HSH2D: variants seen among roughly 807,000 people sequenced by gnomAD.
The protein encoded by HSH2D is hematopoietic SH2 domain-containing protein.
A neutral mutation model predicts 21.5 loss-of-function variants in HSH2D; 16 were observed. The observed-to-expected ratio is 0.74, with a 90% CI of 0.50 to 1.13. The LOEUF is 1.13. Among genes scored for constraint, HSH2D ranks in the 50% most tolerant of loss-of-function variants. The probability of loss-of-function intolerance (pLI) is 0.00; values close to 1 mark genes in which losing one functional copy is unlikely to be tolerated. For missense variants in HSH2D, 418 were observed against 441.4 expected, an observed-to-expected ratio of 0.95 and a Z score of 0.47; for synonymous variants, 172 against 184.7, an observed-to-expected ratio of 0.93 and a Z score of 0.56.
chr19:16,152,431 A>T, intron 2 of HSH2D, 121 bp from the exon 3 acceptor site: 1 of 529,194 alleles, frequency 1.9e-6, no homozygotes, highest in Non-Finnish European at 3.1e-6. Context: ...AAAAAAAAAA[A>T]GGAAAAAAGA....
At chr19:16,142,060 T>G (rs2091003975), upstream of HSH2D, 2 of 152,234 alleles carry the variant, frequency 1.3e-5, no homozygotes, top group Admixed American at 6.5e-5. Context: ...CACTCCAGCC[T>G]GAGTGACAGA....
intron 5 of HSH2D, among the ~76,000 whole-genome samples, chr19:16,155,261 T>C (rs1226430981): frequency 6.7e-6 from 1 of 148,978 alleles, no homozygotes; most frequent in African/African-American, 2.5e-5. Context: ...TGGACATCAG[T>C]GGAGGTGGGG....
At chr19:16,134,909 G>T (rs1217838788) in intron 1 of HSH2D, among the ~76,000 whole-genome samples, 2 of 151,362 alleles carry the variant, frequency 1.3e-5, no homozygotes, top group Non-Finnish European at 2.9e-5. Flanking sequence ...ATAGCTTGAG[G>T]CCAGTTCAAG....
intron 1 of HSH2D, among the ~76,000 whole-genome samples, chr19:16,147,609 A>C (rs958850750): frequency 1.3e-5 from 2 of 152,088 alleles, no homozygotes; most frequent in African/African-American, 4.8e-5. Context: ...GTAGGTGCCC[A>C]AAAAATCACA....
At chr19:16,152,862 G>A in intron 3 of HSH2D, 181 bp from the exon 4 acceptor site, 1 of 802,656 alleles carries the variant, frequency 1.2e-6, no homozygotes, top group Non-Finnish European at 2.1e-6. Context: ...ATAAATGGGG[G>A]AAACTGAGGC....
intron 1 of HSH2D, among the ~76,000 whole-genome samples, chr19:16,135,241 T>C (rs930609479): frequency 4.0e-5 from 6 of 151,898 alleles, no homozygotes; most frequent in Non-Finnish European, 7.4e-5. Context: ...CACTGCACTC[T>C]AGCCTGGGTG....
intron 1 of HSH2D, among the ~76,000 whole-genome samples, chr19:16,147,856 G>T (rs563277366): frequency 6.6e-6 from 1 of 152,268 alleles, no homozygotes; most frequent in East Asian, 1.9e-4. Flanking sequence ...CGTGGCCCAG[G>T]CTGGTCTTGA....
intron 1 of HSH2D, among the ~76,000 whole-genome samples, chr19:16,134,406 C>T (rs768631800): frequency 2.6e-5 from 4 of 152,158 alleles, no homozygotes; most frequent in Non-Finnish European, 5.9e-5. Context: ...GTATGAGCCA[C>T]GCATGTAGGG....
rs772734223 is a variant in HSH2D at position 16,157,704 on chromosome 19, G to C, written c.969G>C (p.Lys323Asn). ...VVRALSSQES[K>N]PEHQGLAEPE... ...GAGCCCTATCCTCCCAGGAGTCCAAGCCAGAGCACCAGGGCTTGGCAGAGC... is the reference window on the plus strand; with the variant it reads ...GAGCCCTATCCTCCCAGGAGTCCAACCCAGAGCACCAGGGCTTGGCAGAGC... The change falls in exon 6 of 6, where the codon AAG (lysine) becomes AAC (asparagine). Residue 323 changes from lysine to asparagine, a missense_variant. Physicochemically the swap from Lys to Asn is moderately conservative, Grantham distance 94. Transcript: ENST00000613986. The surrounding 1 kb of genome is among the most constrained non-coding windows in gnomAD (Gnocchi z 4.4). The C allele has an allele frequency of 1.9e-6, 3 of 1,613,430 alleles. No homozygotes were observed. Among genetic ancestry groups the C allele is most frequent in the Non-Finnish European group, 2.5e-6 (3 of 1,179,714 alleles).
chr19:16,136,583 G>A (rs1033460611), intron 1 of HSH2D, among the ~76,000 whole-genome samples: 27 of 152,190 alleles, frequency 1.8e-4, no homozygotes, highest in African/African-American at 5.8e-4. Context: ...TGCAGACATA[G>A]ATAAGCGAGC....
In HSH2D at chr19:16,153,128, T is replaced by G. The variant is rs184059390; in HGVS notation, c.301T>G (p.Ser101Ala). The change falls in exon 4 of 6, where the codon TCG becomes GCG. Residue 101 changes from serine to alanine, a missense_variant. Ser to Ala is a moderately conservative substitution (Grantham distance 99, BLOSUM62 1). Coordinates refer to ENST00000613986, the MANE Select transcript of HSH2D (RefSeq NM_001382417.1). ...MIPGEKVAHT[S>A]LDALVTFHQQ... ...CCCCGGGGAGAAGGTGGCCCACACC[T>G]CGCTGGACGCCCTGGTCACCTTCCA... 318 of 1,598,368 alleles carry G rather than the reference T, an allele frequency of 2.0e-4. No individual in the cohort carries two copies. Among genetic ancestry groups the G allele is most frequent in the Admixed American group, 7.7e-4 (44 of 57,282 alleles).
intron 1 of HSH2D, among the ~76,000 whole-genome samples, chr19:16,148,110 C>T (rs1283609164): frequency 6.6e-6 from 1 of 152,118 alleles, no homozygotes; most frequent in East Asian, 1.9e-4. Flanking sequence ...AGGCATGCAC[C>T]ACCACACCCA....
intron 1 of HSH2D, among the ~76,000 whole-genome samples, chr19:16,135,038 G>A (rs1036294936): frequency 2.0e-5 from 3 of 149,752 alleles, no homozygotes; most frequent in Non-Finnish European, 3.0e-5. Flanking sequence ...GGAGGCCGAG[G>A]TGGGTGGTTC....
upstream of HSH2D, among the ~76,000 whole-genome samples, chr19:16,142,623 C>T (rs111947973): frequency 6.6e-5 from 10 of 152,042 alleles, no homozygotes; most frequent in African/African-American, 2.2e-4. Flanking sequence ...GTCACCACGC[C>T]GGGCTAATTT....
Position 16,153,203 on chromosome 19 carries a change from A to C in HSH2D, c.376A>C (p.Arg126=). The C allele has an allele frequency of 6.5e-7, 1 of 1,536,206 alleles. No individual in the cohort carries two copies. The highest frequency in any genetic ancestry group is 8.8e-7 in the Non-Finnish European group (1 of 1,142,374). Residue 126 remains arginine, a synonymous_variant, in exon 4 of 6, where the codon AGG becomes CGG. Coordinates refer to ENST00000613986, the MANE Select transcript of HSH2D (RefSeq NM_001382417.1). ...PRRELLTQPC[R]QKDPANVDYE... ...CAGGGAGCTGCTGACACAGCCCTGC[A>C]GGCAGGTGAGGGCGGGGACCCACAA...
chr19:16,145,253 C>T (rs948603666), intron 1 of HSH2D, among the ~76,000 whole-genome samples: 2 of 151,942 alleles, frequency 1.3e-5, no homozygotes, highest in African/African-American at 2.4e-5. Context: ...TGCTCTGTTG[C>T]CCAGGCTGGA....
chr19:16,154,203 A>G (rs1011561244), intron 4 of HSH2D, among the ~76,000 whole-genome samples, 196 bp from the exon 5 acceptor site: 1 of 152,144 alleles, frequency 6.6e-6, no homozygotes, highest in African/African-American at 2.4e-5. Flanking sequence ...CTTTCTTTAG[A>G]AGGCTCAGTG....
intron 1 of HSH2D, 79 bp from the exon 2 acceptor site, chr19:16,148,645 C>T (rs1216114430): frequency 1.4e-6 from 2 of 1,411,364 alleles, no homozygotes; most frequent in South Asian, 1.2e-5. Context: ...AAGGAGGAGG[C>T]ACCACAAGCT....
At chr19:16,146,762 T>C (rs917925436) in intron 1 of HSH2D, among the ~76,000 whole-genome samples, 2 of 152,050 alleles carry the variant, frequency 1.3e-5, no homozygotes, top group Non-Finnish European at 2.9e-5. Flanking sequence ...TTCGTTCACT[T>C]GCCATTTTGT....
Sources: allele counts gnomAD v4.1 joint callset (sites outside exome capture counted in the v4.1 genomes callset), GRCh38; gene constraint gnomAD v4.1.1; non-coding constraint Gnocchi (gnomAD v3.1); transcripts MANE v1.5; gene names NCBI Gene and HGNC (gene_info 2026-07-23, HGNC 2026-07-21).